The following CSMD1 variants were observed in gnomAD, a reference collection of about 807,000 sequenced individuals.
CSMD1 encodes the protein CUB and sushi domain-containing protein 1.
CSMD1 carries 213 observed loss-of-function variants against 417.5 expected under a neutral mutation model. The observed-to-expected ratio is 0.51, with a 90% CI of 0.46 to 0.57. The LOEUF (loss-of-function observed/expected upper bound fraction) is 0.57. CSMD1 is among the 20% of genes least tolerant of loss of function. The probability of loss-of-function intolerance (pLI) is 0.00; values close to 1 mark genes in which losing one functional copy is unlikely to be tolerated. For missense variants in CSMD1, 6,923 were observed against 4,529.7 expected (o/e 1.53, Z -15.17); for synonymous variants, 2,862 against 1,736.8 (o/e 1.65, Z -16.11).
At chr8:3,772,795 G>C (rs1798689060) in intron 5 of CSMD1, among the ~76,000 whole-genome samples, 1 of 151,632 alleles carries the variant, frequency 6.6e-6, no homozygotes, top group African/African-American at 2.4e-5. Flanking sequence ...CACCATGACA[G>C]CCAACTGGAA....
intron 68 of CSMD1, among the ~76,000 whole-genome samples, chr8:2,942,894 A>G (rs1384258777): frequency 6.6e-6 from 1 of 152,230 alleles, no homozygotes; most frequent in Non-Finnish European, 1.5e-5. Context: ...GTTTATAGTT[A>G]TAGGTGTTTT....
At chr8:3,399,628 G>C (rs1486338886) in intron 15 of CSMD1, 99 bp from the exon 16 acceptor site, 8 of 879,154 alleles carry the variant, frequency 9.1e-6, no homozygotes, top group African/African-American at 1.7e-5. Flanking sequence ...TGTGTTCATA[G>C]ACTGAATATT....
intron 20 of CSMD1, among the ~76,000 whole-genome samples, chr8:3,362,719 G>T (rs150752418): frequency 6.6e-6 from 1 of 152,116 alleles, no homozygotes; most frequent in Admixed American, 6.5e-5. Context: ...TGCTTCCAGT[G>T]GTTTTCACGT....
At chr8:3,800,099 G>T (rs887568558) in intron 5 of CSMD1, among the ~76,000 whole-genome samples, 1 of 152,136 alleles carries the variant, frequency 6.6e-6, no homozygotes, top group African/African-American at 2.4e-5. Context: ...TTTGTGCTAA[G>T]ATCCACTGAA....
At chr8:3,623,104 T>A (rs200651780) in intron 7 of CSMD1, among the ~76,000 whole-genome samples, 3 of 152,232 alleles carry the variant, frequency 2.0e-5, no homozygotes, top group Non-Finnish European at 4.4e-5. Flanking sequence ...AAGAAAGATA[T>A]GTAATTATGC....
At chr8:3,810,116 G>C (rs1257487286) in intron 5 of CSMD1, among the ~76,000 whole-genome samples, 1 of 152,070 alleles carries the variant, frequency 6.6e-6, no homozygotes, top group Non-Finnish European at 1.5e-5. Context: ...TTCTGCCTTG[G>C]TTTGCCAAGA....
intron 1 of CSMD1, among the ~76,000 whole-genome samples, chr8:4,871,533 A>G (rs937683944): frequency 6.6e-6 from 1 of 152,090 alleles, no homozygotes; most frequent in South Asian, 2.1e-4. Flanking sequence ...CAAGCACCCA[A>G]CATATTAGTG....
intron 7 of CSMD1, among the ~76,000 whole-genome samples, chr8:3,635,282 C>T (rs538088097): frequency 7.2e-5 from 11 of 151,852 alleles, no homozygotes; most frequent in East Asian, 3.9e-4. Context: ...AAGACCAGCC[C>T]GGCCAAGATG....
At chr8:3,289,705 C>G (rs1405706380) in intron 25 of CSMD1, among the ~76,000 whole-genome samples, 2 of 146,972 alleles carry the variant, frequency 1.4e-5, no homozygotes, top group East Asian at 3.9e-4. Context: ...TGTTGGAGTT[C>G]ATTGTAGATT....
chr8:4,135,215 A>ATGG (rs1365820844), intron 3 of CSMD1, among the ~76,000 whole-genome samples: 6 of 152,128 alleles, frequency 3.9e-5, no homozygotes, highest in African/African-American at 1.4e-4. Flanking sequence ...AACAATGTTG[A>ATGG]GAATTAAGCT....
intron 4 of CSMD1, among the ~76,000 whole-genome samples, chr8:4,009,172 C>A (rs1354879810): frequency 1.3e-5 from 2 of 152,164 alleles, no homozygotes; most frequent in Non-Finnish European, 2.9e-5. Context: ...GCATTTGAAT[C>A]TATTTATTTC....
chr8:3,850,957 A>C (rs1803864808), intron 5 of CSMD1, among the ~76,000 whole-genome samples: 1 of 152,200 alleles, frequency 6.6e-6, no homozygotes, highest in East Asian at 1.9e-4. Context: ...ACTTGTTGTT[A>C]TATAAAATAA....
intron 12 of CSMD1, among the ~76,000 whole-genome samples, chr8:3,464,429 T>A (rs1465692193): frequency 6.6e-6 from 1 of 152,096 alleles, no homozygotes; most frequent in Non-Finnish European, 1.5e-5. Context: ...TTATTTTCTG[T>A]GGACTAACAA....
chr8:4,747,971 C>T (rs561611967), intron 1 of CSMD1, among the ~76,000 whole-genome samples: 59 of 152,316 alleles, frequency 3.9e-4, no homozygotes, highest in Admixed American at 1.1e-3. Context: ...ACTTACCACA[C>T]CGTATATTGG....
At chr8:3,667,030 G>C (rs1185847337) in intron 7 of CSMD1, among the ~76,000 whole-genome samples, 1 of 152,148 alleles carries the variant, frequency 6.6e-6, no homozygotes. Flanking sequence ...CGCCAAGCTA[G>C]AAGTATGCTC....
chr8:3,386,230 GAA>G (rs1256772033), intron 18 of CSMD1, among the ~76,000 whole-genome samples: 1 of 152,210 alleles, frequency 6.6e-6, no homozygotes, highest in Non-Finnish European at 1.5e-5. Context: ...AAACTTAGCA[GAA>G]AGCACCTTCA....
chr8:4,443,547 T>C (rs536842175), intron 2 of CSMD1, among the ~76,000 whole-genome samples: 1 of 152,228 alleles, frequency 6.6e-6, no homozygotes. Flanking sequence ...GAATGATATG[T>C]CAGCCACGTG....
intron 26 of CSMD1, among the ~76,000 whole-genome samples, chr8:3,242,742 T>A (rs140252546): frequency 1.3e-3 from 182 of 145,526 alleles, no homozygotes; most frequent in African/African-American, 4.5e-3. Context: ...AAAGAGAGAG[T>A]AGAGACATGG....
At chr8:4,496,725 G>C (rs1801998221) in intron 2 of CSMD1, among the ~76,000 whole-genome samples, 1 of 152,100 alleles carries the variant, frequency 6.6e-6, no homozygotes, top group Non-Finnish European at 1.5e-5. Context: ...AGCTGAAAAT[G>C]AGTAAAAAGC....
Sources: gnomAD v4.1 joint callset for allele counts (sites outside exome capture counted in the v4.1 genomes callset) on GRCh38, gnomAD v4.1.1 for gene constraint, MANE v1.5 for transcripts, NCBI Gene and HGNC (gene_info 2026-07-23, HGNC 2026-07-21) for gene names.